Variants in URM1 observed in about 807,000 individuals in gnomAD.
URM1 encodes ubiquitin-related modifier 1.
Under a neutral mutation model 17.7 loss-of-function variants are expected in URM1, and 11 were observed. That is an observed-to-expected ratio of 0.62 (90% CI 0.39 to 1.03). The LOEUF (loss-of-function observed/expected upper bound fraction) is 1.03, where lower values mean the gene tolerates loss of function less well. Ranked by LOEUF, URM1 falls within the 50% of genes least tolerant of loss-of-function variation. The pLI, the probability that URM1 is intolerant of heterozygous loss-of-function variation, is 0.00. For missense variants in URM1, 128 were observed against 129.2 expected, an observed-to-expected ratio of 0.99 and a Z score of 0.04; for synonymous variants, 48 against 50.6, an observed-to-expected ratio of 0.95 and a Z score of 0.22.
chr9:128,383,908 C>G (rs1386947567), intron 2 of URM1, among the ~76,000 whole-genome samples: 1 of 152,142 alleles, frequency 6.6e-6, no homozygotes, highest in Non-Finnish European at 1.5e-5. Flanking sequence ...CAGTGGGTAT[C>G]CTCCCTTTGG....
At position 128,387,024 on chromosome 9, in the gene URM1, G is replaced by A. The variant is rs1230683600; in HGVS notation, c.107-792G>A. 6.6e-6 allele frequency among the ~76,000 whole-genome samples: 1 copy of A among 152,232 alleles called. No individual in the cohort carries two copies. The highest frequency in any genetic ancestry group is 1.5e-5 in the Non-Finnish European group (1 of 68,042). On this transcript the variant is annotated intron_variant, in intron 2 of 4. Transcript: ENST00000372853. This position sits in a 1 kb window ranked among gnomAD's most constrained non-coding sequence, Gnocchi z 4.3. ...GCCACATTTCTGTGTGCTGTGGCCC[G>A]ATACTGCTGCCCCTAGGAAAGGACA...
intron 2 of URM1, among the ~76,000 whole-genome samples, chr9:128,386,931 G>A (rs1833236344): frequency 6.6e-6 from 1 of 152,252 alleles, no homozygotes; most frequent in Non-Finnish European, 1.5e-5. Flanking sequence ...GAACTCCTCA[G>A]CCTCAGGAGA....
intron 2 of URM1, 147 bp downstream of exon 2, chr9:128,378,253 A>G (rs1217925996): frequency 3.3e-6 from 2 of 601,786 alleles, no homozygotes; most frequent in Non-Finnish European, 5.6e-6. Context: ...ACAAGAGTCT[A>G]CACGGCTGGG....
At position 128,388,232 on chromosome 9, in the gene URM1, G is replaced by A. The variant is rs114896958; in HGVS notation, c.188+335G>A. 9.5e-4 allele frequency: 1,089 copies of A among 1,149,980 alleles called. 9 individuals carry two copies. The African/African-American group carries it at 0.015, about 16-fold the overall frequency. 71.2% of individuals were successfully genotyped at this position (1,149,980 alleles called of 1,614,324 possible). On this transcript the variant is annotated intron_variant, in intron 3 of 4. Coordinates refer to ENST00000372853, the MANE Select transcript of URM1 (RefSeq NM_030914.4). ...ACACAGAAAGTGCTGAGGAAAAAACGTAGCTAGTACAACTGAAGAGCTAAA... is the reference window on the plus strand; with the variant it reads ...ACACAGAAAGTGCTGAGGAAAAAACATAGCTAGTACAACTGAAGAGCTAAA...
At chr9:128,378,730 G>A (rs931710978) in intron 2 of URM1, among the ~76,000 whole-genome samples, 12 of 150,930 alleles carry the variant, frequency 8.0e-5, no homozygotes, top group African/African-American at 2.2e-4. Context: ...CGAGGCGGAC[G>A]GATCACTTGA....
chr9:128,389,674 G>A lies in URM1; in HGVS notation c.246G>A (p.Leu82=). Residue 82 remains leucine, a synonymous_variant, in exon 5 of 5, where the codon CTG becomes CTA. Coordinates refer to ENST00000372853, the MANE Select transcript of URM1 (RefSeq NM_030914.4). ...NDADWELLGE[L]DYQLQDQDSV... is the part of the protein sequence containing the mutation. The stretch of plus-strand genomic sequence containing the variant: ...CCTCTCTCCCGCACCAGGGTGAGCT[G>A]GACTACCAGCTTCAGGACCAGGACA... 6.2e-7 allele frequency: 1 copy of A among 1,613,516 alleles called. No individual in the cohort carries two copies. The highest frequency in any genetic ancestry group is 8.5e-7 in the Non-Finnish European group (1 of 1,179,984).
intron 1 of URM1, among the ~76,000 whole-genome samples, chr9:128,373,084 T>C (rs958863154): frequency 2.0e-5 from 3 of 152,114 alleles, no homozygotes; most frequent in South Asian, 4.2e-4. Context: ...CCAGCACAAT[T>C]GCCCTTTTTC....
chr9:128,388,353 A>T (rs1013145764), intron 3 of URM1: 19 of 995,900 alleles, frequency 1.9e-5, no homozygotes, highest in Non-Finnish European at 2.3e-5. Context: ...GGAGTCATTG[A>T]CTCTGTGCGT....
chr9:128,389,129 A>C, intron 3 of URM1, 132 bp from the exon 4 acceptor site: 1 of 1,466,642 alleles, frequency 6.8e-7, no homozygotes, highest in Non-Finnish European at 9.0e-7. Context: ...TTCCTGGGAT[A>C]TCTTTAGCCA....
intron 2 of URM1, 75 bp downstream of exon 2, chr9:128,378,181 G>A (rs918641543): frequency 3.9e-6 from 4 of 1,033,582 alleles, no homozygotes; most frequent in South Asian, 1.5e-5. Context: ...ACTCAGCCCC[G>A]TTCAGGCCTG....
chr9:128,373,795 G>A (rs977576141), intron 1 of URM1, among the ~76,000 whole-genome samples: 3 of 152,170 alleles, frequency 2.0e-5, no homozygotes, highest in African/African-American at 7.2e-5. Flanking sequence ...GGAGAAATGG[G>A]CATTTCCTTT....
intron 2 of URM1, among the ~76,000 whole-genome samples, chr9:128,381,145 T>C (rs1833155134): frequency 1.3e-5 from 2 of 152,108 alleles, no homozygotes; most frequent in Admixed American, 1.3e-4. Flanking sequence ...TATTCTTTCA[T>C]GTAGTTGGCA....
chr9:128,378,615 G>A (rs1684063836), intron 2 of URM1, among the ~76,000 whole-genome samples: 1 of 147,172 alleles, frequency 6.8e-6, no homozygotes, highest in African/African-American at 2.5e-5. Flanking sequence ...AGCACCTTCT[G>A]TGTAGCAGAC....
At chr9:128,388,515 G>A (rs1564413376) in intron 3 of URM1, 1 of 986,144 alleles carries the variant, frequency 1.0e-6, no homozygotes, top group South Asian at 4.7e-5. Context: ...GTGCAGTTGT[G>A]AGGCTCGCTT....
rs1261045043 is a variant in URM1, at chr9:128,390,409, G to C, written c.*675G>C. The stretch of plus-strand genomic sequence containing the variant: ...GATGGGCTCCTGAGACCCTCCCCAG[G>C]CTGCTTACAGCTCATTCTGCTGGGG... On this transcript the variant is annotated 3_prime_UTR_variant, in exon 5 of 5. Transcript: ENST00000372853. 6.6e-6 allele frequency: 1 copy of C among 152,392 alleles called. No individual in the cohort carries two copies. Among genetic ancestry groups the C allele is most frequent in the Non-Finnish European group, 1.5e-5 (1 of 68,266 alleles). The allele number at this position is 152,392 out of a possible 1,614,324, so 9.4% of individuals were successfully genotyped here.
chr9:128,372,917 A>G (rs1000499153), intron 1 of URM1, among the ~76,000 whole-genome samples: 2 of 152,138 alleles, frequency 1.3e-5, no homozygotes, highest in Non-Finnish European at 2.9e-5. Flanking sequence ...CTACCAAAAA[A>G]AAAAAAAAGA....
chr9:128,385,901 G>C (rs1387104059), intron 2 of URM1, among the ~76,000 whole-genome samples: 5 of 152,118 alleles, frequency 3.3e-5, no homozygotes, highest in Non-Finnish European at 5.9e-5. Context: ...GAGGGAGGGA[G>C]TGACCTCAGC....
chr9:128,385,315 G>C (rs1049159726), intron 2 of URM1, among the ~76,000 whole-genome samples: 5 of 152,156 alleles, frequency 3.3e-5, no homozygotes, highest in African/African-American at 9.7e-5. Context: ...GAAGGAGATA[G>C]CATTTGTCAC....
Position 128,390,651 on chromosome 9 carries a change from C to G in URM1, c.*917C>G, listed in dbSNP as rs559469457. ...CTGGTAGGCACAGTGCTTTGCCCCT[C>G]CTCCCCTTCCCTTCTGGAAGTCTTG... On this transcript the variant is annotated 3_prime_UTR_variant, in exon 5 of 5. Coordinates refer to ENST00000372853, the MANE Select transcript of URM1 (RefSeq NM_030914.4). 1 of 152,600 alleles carries G rather than the reference C, an allele frequency of 6.6e-6. No homozygotes were observed. Among genetic ancestry groups the G allele is most frequent in the South Asian group, 2.1e-4 (1 of 4,832 alleles). The allele number at this position is 152,600 out of a possible 1,614,324, so 9.5% of individuals were successfully genotyped here.
Sources: allele counts gnomAD v4.1 joint callset (sites outside exome capture counted in the v4.1 genomes callset), GRCh38; gene constraint gnomAD v4.1.1; non-coding constraint Gnocchi (gnomAD v3.1); transcripts MANE v1.5; gene names NCBI Gene and HGNC (gene_info 2026-07-23, HGNC 2026-07-21).